The following FABP7 variants were observed in gnomAD, a reference collection of about 807,000 sequenced individuals.
The protein encoded by FABP7 is fatty acid-binding protein, brain.
FABP7 carries 13 observed loss-of-function variants against 14.2 expected under a neutral mutation model. That is an observed-to-expected ratio of 0.91 (90% CI 0.59 to 1.45). The LOEUF (loss-of-function observed/expected upper bound fraction) is 1.45. FABP7 is among the 40% of genes most tolerant of loss of function. The probability of loss-of-function intolerance (pLI) is 0.00; values close to 1 mark genes in which losing one functional copy is unlikely to be tolerated. For missense variants in FABP7, 149 were observed against 157.6 expected (o/e 0.95, Z 0.29); for synonymous variants, 49 against 51.4 (o/e 0.95, Z 0.20).
upstream of FABP7, among the ~76,000 whole-genome samples, chr6:122,775,440 G>A (rs745596510): frequency 1.3e-5 from 2 of 152,052 alleles, no homozygotes; most frequent in Admixed American, 1.3e-4. Flanking sequence ...AAATGGTGTT[G>A]GAAAAACTGG....
the FABP7 span, among the ~76,000 whole-genome samples, chr6:122,766,618 T>C: frequency 6.6e-6 from 1 of 152,078 alleles, no homozygotes; most frequent in Non-Finnish European, 1.5e-5. Context: ...GATTAGGGAA[T>C]CAGGAATTTT....
chr6:122,753,792 CCCG>C, the FABP7 span, among the ~76,000 whole-genome samples: 6 of 95,754 alleles, frequency 6.3e-5, no homozygotes, highest in Non-Finnish European at 8.8e-5. Flanking sequence ...CCGCCCCCCC[CCCG>C]CCCACAGAAG....
At chr6:122,779,940 T>G in intron 1 of FABP7, 73 bp downstream of exon 1, 1 of 1,423,298 alleles carries the variant, frequency 7.0e-7, no homozygotes, top group South Asian at 1.2e-5. Flanking sequence ...CATTTTTCAC[T>G]CATCAGGTCA....
the FABP7 span, among the ~76,000 whole-genome samples, chr6:122,751,144 A>G: frequency 6.6e-6 from 1 of 152,134 alleles, no homozygotes; most frequent in Non-Finnish European, 1.5e-5. Context: ...AATTGTTGTC[A>G]ATTAGTTCCA....
the FABP7 span, among the ~76,000 whole-genome samples, chr6:122,758,328 A>T: frequency 2.0e-5 from 3 of 152,030 alleles, no homozygotes; most frequent in Non-Finnish European, 4.4e-5. Context: ...GGCTGCTCTT[A>T]AACTCCTGAC....
At chr6:122,755,631 T>A in the FABP7 span, among the ~76,000 whole-genome samples, 21 of 151,396 alleles carry the variant, frequency 1.4e-4, no homozygotes, top group East Asian at 5.9e-4. Context: ...TTTTTTTTTT[T>A]AATTTTTAGT....
At chr6:122,772,275 C>A in the FABP7 span, among the ~76,000 whole-genome samples, 1 of 152,024 alleles carries the variant, frequency 6.6e-6, no homozygotes, top group Non-Finnish European at 1.5e-5. Context: ...GCAAAAAGTT[C>A]TCTCCTCAGT....
the FABP7 span, among the ~76,000 whole-genome samples, chr6:122,771,772 A>G: frequency 6.6e-6 from 1 of 152,230 alleles, no homozygotes; most frequent in African/African-American, 2.4e-5. Flanking sequence ...TCTGGGGATC[A>G]TATATGTTGC....
chr6:122,766,331 C>T, the FABP7 span, among the ~76,000 whole-genome samples: 1 of 152,114 alleles, frequency 6.6e-6, no homozygotes, highest in African/African-American at 2.4e-5. Context: ...ACATTCAGTC[C>T]TTCTCTAACT....
intron 3 of FABP7, chr6:122,781,463 C>T: frequency 7.2e-7 from 1 of 1,384,358 alleles, no homozygotes; most frequent in Non-Finnish European, 9.3e-7. Context: ...CATTGATTTG[C>T]CTAAAACTGT....
the FABP7 span, among the ~76,000 whole-genome samples, chr6:122,749,839 G>A: frequency 3.3e-5 from 5 of 152,180 alleles, no homozygotes; most frequent in Admixed American, 1.3e-4. Context: ...ATCATTTCCC[G>A]TAATACCAAG....
At chr6:122,772,715 G>A in the FABP7 span, among the ~76,000 whole-genome samples, 3 of 152,062 alleles carry the variant, frequency 2.0e-5, no homozygotes, top group Admixed American at 6.6e-5. Context: ...CACCATGCCC[G>A]GCCAAGTCTA....
upstream of FABP7, chr6:122,779,618 G>T: frequency 1.6e-6 from 1 of 620,888 alleles, no homozygotes; most frequent in African/African-American, 1.8e-5. Flanking sequence ...ACAGCCTCTT[G>T]GAAAGAGGGA....
At position 122,781,164 on chromosome 6, in the gene FABP7, A is replaced by G; in HGVS notation, c.318A>G (p.Val106=). Residue 106 remains valine, a synonymous_variant, in exon 3 of 4, where the codon GTA becomes GTG. Coordinates refer to ENST00000368444, the MANE Select transcript of FABP7 (RefSeq NM_001446.5). ...GGGATGGCAAAGAAACAAATTTTGT[A>G]AGAGAAATTAAGGATGGCAAAATGG... The part of the protein sequence containing the change: ...QKWDGKETNF[V]REIKDGKMVM... 1.2e-6 allele frequency: 2 copies of G among 1,614,066 alleles called. No individual in the cohort carries two copies. Among genetic ancestry groups the G allele is most frequent in the East Asian group, 2.2e-5 (1 of 44,854 alleles).
At chr6:122,764,367 A>T in the FABP7 span, among the ~76,000 whole-genome samples, 1 of 152,010 alleles carries the variant, frequency 6.6e-6, no homozygotes, top group Non-Finnish European at 1.5e-5. Flanking sequence ...GAAGGGGAAC[A>T]TCACACACCA....
At chr6:122,775,113 A>G (rs181596705), upstream of FABP7, among the ~76,000 whole-genome samples, 3 of 152,256 alleles carry the variant, frequency 2.0e-5, no homozygotes, top group Admixed American at 6.5e-5. Context: ...TGCACTCTCT[A>G]TTAAAATACC....
upstream of FABP7, among the ~76,000 whole-genome samples, chr6:122,776,828 T>C (rs1780683775): frequency 1.3e-5 from 2 of 152,204 alleles, no homozygotes; most frequent in Non-Finnish European, 2.9e-5. Flanking sequence ...AATTAAAAAA[T>C]AGTCACTTGA....
At chr6:122,778,490 C>T, upstream of FABP7, among the ~76,000 whole-genome samples, 1 of 152,084 alleles carries the variant, frequency 6.6e-6, no homozygotes, top group East Asian at 1.9e-4. Flanking sequence ...TAGAAATGTG[C>T]TGGGCTGCAG....
the FABP7 span, among the ~76,000 whole-genome samples, chr6:122,754,657 T>C: frequency 7.3e-6 from 1 of 137,646 alleles, no homozygotes; most frequent in East Asian, 2.3e-4. Context: ...TCCAATTCAT[T>C]CAGATCATTG....
Sources: allele counts gnomAD v4.1 joint callset (sites outside exome capture counted in the v4.1 genomes callset), GRCh38; gene constraint gnomAD v4.1.1; transcripts MANE v1.5; gene names NCBI Gene and HGNC (gene_info 2026-07-23, HGNC 2026-07-21).